The following TBC1D5 variants were observed in gnomAD, a reference collection of about 807,000 sequenced individuals.
The protein encoded by TBC1D5 is TBC1 domain family, member 5.
Under a neutral mutation model 100.3 loss-of-function variants are expected in TBC1D5, and 75 were observed. That is an observed-to-expected ratio of 0.75 (90% CI 0.62 to 0.91). The LOEUF (loss-of-function observed/expected upper bound fraction) is 0.91. TBC1D5 is among the 40% of genes least tolerant of loss of function. The probability of loss-of-function intolerance (pLI) is 0.00; values close to 1 mark genes in which losing one functional copy is unlikely to be tolerated. For missense variants in TBC1D5, 910 were observed against 942.4 expected, an observed-to-expected ratio of 0.97 and a Z score of 0.45; for synonymous variants, 323 against 325.6, an observed-to-expected ratio of 0.99 and a Z score of 0.09.
intron 15 of TBC1D5, among the ~76,000 whole-genome samples, chr3:17,268,683 G>A (rs528788237): frequency 1.2e-4 from 18 of 152,152 alleles, no homozygotes; most frequent in African/African-American, 3.9e-4. Flanking sequence ...TAATAATATT[G>A]TAGTTTGTTG....
At chr3:17,443,412 G>A (rs1474438033) in intron 3 of TBC1D5, among the ~76,000 whole-genome samples, 1 of 152,158 alleles carries the variant, frequency 6.6e-6, no homozygotes, top group Non-Finnish European at 1.5e-5. Context: ...GTTCAACAAT[G>A]TATAGCCAAT....
intron 5 of TBC1D5, among the ~76,000 whole-genome samples, chr3:17,406,196 G>GT (rs1022613767): frequency 6.6e-6 from 1 of 152,028 alleles, no homozygotes; most frequent in African/African-American, 2.4e-5. Context: ...TGAAAAGATA[G>GT]TTTTTTTATA....
intron 3 of TBC1D5, among the ~76,000 whole-genome samples, chr3:17,442,759 T>C (rs142946857): frequency 1.1e-4 from 17 of 152,260 alleles, no homozygotes; most frequent in African/African-American, 4.1e-4. Flanking sequence ...GGAAAGGACT[T>C]TGAAACTGCT....
chr3:17,496,069 T>C (rs2095703403), intron 3 of TBC1D5, among the ~76,000 whole-genome samples: 2 of 152,206 alleles, frequency 1.3e-5, no homozygotes, highest in Admixed American at 1.3e-4. Flanking sequence ...CTCCATCACT[T>C]TACAGCTAAC....
chr3:17,495,849 C>T (rs1182111552), intron 3 of TBC1D5, among the ~76,000 whole-genome samples: 1 of 152,210 alleles, frequency 6.6e-6, no homozygotes, highest in Admixed American at 6.5e-5. Flanking sequence ...GAATGACCTA[C>T]TTTATGATGT....
intron 13 of TBC1D5, among the ~76,000 whole-genome samples, chr3:17,318,606 A>T (rs771310017): frequency 1.3e-5 from 2 of 152,218 alleles, no homozygotes; most frequent in South Asian, 2.1e-4. Context: ...CAACAAAGGA[A>T]CATGGCGCAA....
At chr3:17,225,439 CAAAAAAA>C (rs35631452) in intron 17 of TBC1D5, among the ~76,000 whole-genome samples, 1 of 88,354 alleles carries the variant, frequency 1.1e-5, no homozygotes, top group Non-Finnish European at 2.2e-5. Flanking sequence ...GACTCGGTCT[CAAAAAAA>C]AAAAAAAAAA....
intron 1 of TBC1D5, among the ~76,000 whole-genome samples, chr3:17,677,527 AAC>A (rs2068802765): frequency 1.3e-5 from 2 of 152,220 alleles, no homozygotes; most frequent in African/African-American, 4.8e-5. Flanking sequence ...GAGAAATAGG[AAC>A]ACTTTTACAC....
At chr3:17,469,923 A>G (rs1019489652) in intron 3 of TBC1D5, among the ~76,000 whole-genome samples, 2 of 152,266 alleles carry the variant, frequency 1.3e-5, no homozygotes, top group African/African-American at 4.8e-5. Flanking sequence ...AAATAAAAGA[A>G]TAAATGTTTT....
intron 2 of TBC1D5, among the ~76,000 whole-genome samples, chr3:17,616,229 T>A (rs141248200): frequency 3.4e-4 from 51 of 151,534 alleles, no homozygotes; most frequent in African/African-American, 1.2e-3. Context: ...GAGTTCTAAT[T>A]TGATTGCACT....
At chr3:17,450,439 G>A (rs994794564) in intron 3 of TBC1D5, among the ~76,000 whole-genome samples, 1 of 152,126 alleles carries the variant, frequency 6.6e-6, no homozygotes, top group East Asian at 1.9e-4. Flanking sequence ...ACTCCTCCGA[G>A]TTAAAGGAGC....
intron 13 of TBC1D5, among the ~76,000 whole-genome samples, chr3:17,319,680 C>T (rs909603314): frequency 6.6e-6 from 1 of 151,974 alleles, no homozygotes; most frequent in Non-Finnish European, 1.5e-5. Flanking sequence ...ACCATCCTGG[C>T]TAACATGGTG....
intron 17 of TBC1D5, among the ~76,000 whole-genome samples, chr3:17,231,882 A>T (rs2075452083): frequency 6.6e-6 from 1 of 152,092 alleles, no homozygotes; most frequent in African/African-American, 2.4e-5. Context: ...CTGCTAGGGT[A>T]TGGGAGGCAG....
At chr3:17,252,938 C>A (rs1384612932) in intron 16 of TBC1D5, among the ~76,000 whole-genome samples, 1 of 152,202 alleles carries the variant, frequency 6.6e-6, no homozygotes, top group African/African-American at 2.4e-5. Flanking sequence ...AGTGGTATCT[C>A]ACATAAACCT....
chr3:17,515,693 T>G (rs112333178), intron 2 of TBC1D5, among the ~76,000 whole-genome samples: 2 of 152,216 alleles, frequency 1.3e-5, no homozygotes, highest in African/African-American at 4.8e-5. Flanking sequence ...TTCAGTTTAC[T>G]TTTCTCGCAT....
At chr3:17,581,736 TC>T (rs1237937200) in intron 2 of TBC1D5, among the ~76,000 whole-genome samples, 2 of 152,188 alleles carry the variant, frequency 1.3e-5, no homozygotes, top group African/African-American at 4.8e-5. Context: ...AGCCAGTATT[TC>T]TTTTAAACTA....
At chr3:17,439,376 C>T (rs2094596842) in intron 3 of TBC1D5, among the ~76,000 whole-genome samples, 1 of 152,130 alleles carries the variant, frequency 6.6e-6, no homozygotes, top group Non-Finnish European at 1.5e-5. Context: ...ATATAACAAA[C>T]ATCTACTTAA....
Position 17,655,731 on chromosome 3 carries a change from A to G in TBC1D5, c.-100-31818T>C, listed in dbSNP as rs2066002989. Among the ~76,000 whole-genome samples the G allele has an allele frequency of 5.3e-5, 8 of 151,980 alleles. No individual in the cohort carries two copies. In the South Asian group the frequency reaches 1.7e-3, roughly 32 times the overall value. On this transcript the variant is annotated intron_variant, in intron 1 of 21. Transcript: ENST00000253692. Reference sequence around the variant, plus strand: ...ATTGGAACAAATATTCCAAAATCAGAAAAAAAATCCGAATTCCAAAATACT... The same window carrying G: ...ATTGGAACAAATATTCCAAAATCAGGAAAAAAATCCGAATTCCAAAATACT...
chr3:17,485,759 G>T (rs1003227763), intron 3 of TBC1D5, among the ~76,000 whole-genome samples: 2 of 151,678 alleles, frequency 1.3e-5, no homozygotes, highest in Non-Finnish European at 2.9e-5. Flanking sequence ...CATTTGGGTT[G>T]GTTCCAAGTC....
Sources: allele counts gnomAD v4.1 joint callset (sites outside exome capture counted in the v4.1 genomes callset), GRCh38; gene constraint gnomAD v4.1.1; transcripts MANE v1.5; gene names NCBI Gene and HGNC (gene_info 2026-07-23, HGNC 2026-07-21).